Variants in MARCHF1 observed in about 807,000 individuals in gnomAD.
MARCHF1 encodes the protein E3 ubiquitin-protein ligase MARCHF1.
Under a neutral mutation model 54.2 loss-of-function variants are expected in MARCHF1, and 40 were observed. The ratio of observed to expected loss-of-function variants is 0.74; its 90% CI spans 0.57 to 0.96. MARCHF1 has a LOEUF of 0.96. MARCHF1 is among the 40% of genes least tolerant of loss of function. MARCHF1 has a pLI of 0.00. For synonymous variants in MARCHF1, 236 were observed against 236.3 expected (o/e 1.00, Z 0.01); for missense variants, 586 against 656.5 (o/e 0.89, Z 1.17).
chr4:163,729,505 T>C (rs1745766471), intron 4 of MARCHF1, among the ~76,000 whole-genome samples: 1 of 152,130 alleles, frequency 6.6e-6, no homozygotes, highest in South Asian at 2.1e-4. Context: ...TAGAAAGTTA[T>C]TAACTATTGA....
intron 3 of MARCHF1, among the ~76,000 whole-genome samples, chr4:163,900,309 C>T (rs1160791835): frequency 2.7e-5 from 4 of 150,860 alleles, no homozygotes; most frequent in East Asian, 1.9e-4. Context: ...AAGCAGACAT[C>T]GTTATGTTCC....
At chr4:164,096,747 C>T (rs1321107073) in intron 2 of MARCHF1, among the ~76,000 whole-genome samples, 1 of 151,846 alleles carries the variant, frequency 6.6e-6, no homozygotes, top group East Asian at 1.9e-4. Context: ...CACCTTGTAC[C>T]CATATGACAA....
chr4:163,822,385 G>A (rs1748717347), intron 4 of MARCHF1, among the ~76,000 whole-genome samples: 1 of 151,770 alleles, frequency 6.6e-6, no homozygotes, highest in Non-Finnish European at 1.5e-5. Flanking sequence ...TATATGAATA[G>A]TTTTGCAAAA....
At chr4:163,634,418 GA>G (rs751198401) in intron 5 of MARCHF1, among the ~76,000 whole-genome samples, 206 of 144,846 alleles carry the variant, frequency 1.4e-3, no homozygotes, top group South Asian at 2.5e-3. Context: ...CAAGCAAATG[GA>G]AAACAAAAAA....
chr4:163,524,667 G>A (rs1258453205), downstream of MARCHF1: 5 of 152,148 alleles, frequency 3.3e-5, no homozygotes, highest in African/African-American at 2.4e-5. Flanking sequence ...GTGTTTGGAT[G>A]TTGCAAATAC....
chr4:164,241,825 A>G (rs1270170454), intron 1 of MARCHF1, among the ~76,000 whole-genome samples: 4 of 152,214 alleles, frequency 2.6e-5, no homozygotes, highest in African/African-American at 4.8e-5. Flanking sequence ...GAAGCACAAG[A>G]GGTCAGGGAG....
chr4:163,847,237 A>C (rs1478491581), intron 4 of MARCHF1, among the ~76,000 whole-genome samples: 1 of 151,838 alleles, frequency 6.6e-6, no homozygotes, highest in Non-Finnish European at 1.5e-5. Flanking sequence ...TCGTTTTGTA[A>C]GTTTGAAACT....
intron 1 of MARCHF1, among the ~76,000 whole-genome samples, chr4:164,287,505 C>G (rs1734180087): frequency 6.6e-6 from 1 of 152,138 alleles, no homozygotes; most frequent in Admixed American, 6.6e-5. Context: ...CTTACAATCA[C>G]TAAGCTGAAT....
chr4:163,852,210 G>T (rs558830549), intron 4 of MARCHF1, among the ~76,000 whole-genome samples: 2 of 152,078 alleles, frequency 1.3e-5, no homozygotes, highest in Non-Finnish European at 1.5e-5. Flanking sequence ...CTAGATAAGT[G>T]GCACTAGGAA....
intron 4 of MARCHF1, among the ~76,000 whole-genome samples, chr4:163,842,999 AC>A (rs1749384563): frequency 6.6e-6 from 1 of 151,910 alleles, no homozygotes; most frequent in South Asian, 2.1e-4. Context: ...TAGTTTTTCA[AC>A]CTATGTCCCC....
At chr4:164,364,686 A>T (rs1166586361) in intron 1 of MARCHF1, among the ~76,000 whole-genome samples, 34 of 148,420 alleles carry the variant, frequency 2.3e-4, no homozygotes, top group South Asian at 2.1e-4. Context: ...CTCTTGAACA[A>T]TTTTCCTTTT....
At chr4:163,976,559 T>A (rs1752653062) in intron 3 of MARCHF1, among the ~76,000 whole-genome samples, 1 of 152,174 alleles carries the variant, frequency 6.6e-6, no homozygotes, top group Non-Finnish European at 1.5e-5. Context: ...TGGGTAGTTA[T>A]GGGAGCAATT....
chr4:163,947,621 C>T (rs909393289), intron 3 of MARCHF1, among the ~76,000 whole-genome samples: 11 of 152,256 alleles, frequency 7.2e-5, no homozygotes, highest in African/African-American at 2.6e-4. Flanking sequence ...ATAAATGATT[C>T]CTATCCAAGA....
At chr4:163,572,619 G>C (rs1415368129) in intron 8 of MARCHF1, among the ~76,000 whole-genome samples, 1 of 152,026 alleles carries the variant, frequency 6.6e-6, no homozygotes, top group East Asian at 1.9e-4. Flanking sequence ...TAAGTGTAGG[G>C]GTCTTTGTGC....
At chr4:164,176,968 C>CTATATATA (rs1553989355) in intron 1 of MARCHF1, among the ~76,000 whole-genome samples, 1 of 43,340 alleles carries the variant, frequency 2.3e-5, no homozygotes, top group African/African-American at 1.1e-4. Context: ...CTCTCTCTCT[C>CTATATATA]TCTCTCTCTC....
At chr4:164,141,892 C>T (rs1423915978) in intron 1 of MARCHF1, among the ~76,000 whole-genome samples, 1 of 152,204 alleles carries the variant, frequency 6.6e-6, no homozygotes, top group Non-Finnish European at 1.5e-5. Flanking sequence ...GTGATTTCTG[C>T]ATTTCCATCT....
At chr4:163,681,115 G>A (rs893779176) in intron 5 of MARCHF1, among the ~76,000 whole-genome samples, 1 of 151,896 alleles carries the variant, frequency 6.6e-6, no homozygotes, top group African/African-American at 2.4e-5. Flanking sequence ...ACTTATTTGC[G>A]AACAGCATCG....
intron 4 of MARCHF1, among the ~76,000 whole-genome samples, chr4:163,795,474 C>A (rs1747888567): frequency 1.3e-5 from 2 of 152,236 alleles, no homozygotes; most frequent in Non-Finnish European, 2.9e-5. Context: ...AGGCAATCCA[C>A]CTGCCTTGGC....
intron 2 of MARCHF1, among the ~76,000 whole-genome samples, chr4:164,058,096 G>A (rs1294247578): frequency 6.6e-6 from 1 of 152,018 alleles, no homozygotes; most frequent in Non-Finnish European, 1.5e-5. Flanking sequence ...CACAGGGAGG[G>A]GAACATCACA....
Sources: gnomAD v4.1 joint callset for allele counts (sites outside exome capture counted in the v4.1 genomes callset) on GRCh38, gnomAD v4.1.1 for gene constraint, MANE v1.5 for transcripts, NCBI Gene and HGNC (gene_info 2026-07-23, HGNC 2026-07-21) for gene names.